DRC5: variants seen among roughly 807,000 people sequenced by gnomAD.
DRC5 encodes the protein dynein regulatory complex subunit 5.
the DRC5 span, among the ~76,000 whole-genome samples, chr6:44,288,984 ACT>A: frequency 1.1e-5 from 1 of 89,082 alleles, no homozygotes; most frequent in Non-Finnish European, 2.0e-5. Flanking sequence ...ATAGAGCAAG[ACT>A]CTGTCTCAAA....
At chr6:44,279,871 A>T in the DRC5 span, 1 of 251,700 alleles carries the variant, frequency 4.0e-6, no homozygotes. Context: ...CAACGGGAGA[A>T]TCTGGCAGGC....
chr6:44,287,318 T>C, the DRC5 span: 1 of 833,480 alleles, frequency 1.2e-6, no homozygotes, highest in South Asian at 5.5e-5. Flanking sequence ...GGCAGAGGCA[T>C]GGAGGGTGCA....
chr6:44,283,167 C>T, the DRC5 span, among the ~76,000 whole-genome samples: 1 of 152,164 alleles, frequency 6.6e-6, no homozygotes, highest in Non-Finnish European at 1.5e-5. Context: ...AAAGTTCTCT[C>T]CATTTTACAG....
chr6:44,290,703 G>T, the DRC5 span, among the ~76,000 whole-genome samples: 4 of 152,204 alleles, frequency 2.6e-5, no homozygotes, highest in Admixed American at 2.0e-4. Context: ...ACACCCATGG[G>T]CCACACCCAG....
the DRC5 span, among the ~76,000 whole-genome samples, chr6:44,286,929 A>G: frequency 1.2e-4 from 18 of 152,252 alleles, no homozygotes; most frequent in South Asian, 4.1e-4. Flanking sequence ...AGGTAGCACT[A>G]TGAGAGACTA....
the DRC5 span, among the ~76,000 whole-genome samples, chr6:44,295,273 A>C: frequency 5.9e-5 from 9 of 152,148 alleles, no homozygotes; most frequent in Non-Finnish European, 1.2e-4. Flanking sequence ...CCATCCAAGG[A>C]TGTGCTGCGC....
At chr6:44,291,643 C>T in the DRC5 span, among the ~76,000 whole-genome samples, 2 of 152,226 alleles carry the variant, frequency 1.3e-5, no homozygotes, top group Non-Finnish European at 2.9e-5. Flanking sequence ...CTCAGAATTC[C>T]GCCATGGTCG....
chr6:44,296,939 C>A, the DRC5 span, among the ~76,000 whole-genome samples: 359 of 14,046 alleles, frequency 0.026, 19 homozygotes, highest in South Asian at 0.084. Context: ...GAGCCTCGGC[C>A]CGTGTGCTTG....
the DRC5 span, among the ~76,000 whole-genome samples, chr6:44,282,951 C>G: frequency 2.0e-3 from 299 of 151,934 alleles, 1 homozygote; most frequent in African/African-American, 6.6e-3. Context: ...TACAAGTGCC[C>G]GCCACCACGC....
the DRC5 span, among the ~76,000 whole-genome samples, chr6:44,288,993 C>CA: frequency 0.019 from 615 of 32,802 alleles, 146 homozygotes; most frequent in East Asian, 0.079. Context: ...GACTCTGTCT[C>CA]AAAAAAAAAA....
At chr6:44,282,282 T>G in the DRC5 span, 1 of 1,614,212 alleles carries the variant, frequency 6.2e-7, no homozygotes, top group Admixed American at 1.7e-5. Flanking sequence ...ACCCTCATCC[T>G]CGATGCAGTT....
At chr6:44,281,928 T>C in the DRC5 span, among the ~76,000 whole-genome samples, 5 of 152,362 alleles carry the variant, frequency 3.3e-5, no homozygotes, top group Non-Finnish European at 7.3e-5. Flanking sequence ...TTAGGGTTAA[T>C]ATACAGTTAC....
the DRC5 span, chr6:44,280,222 A>G: frequency 1.9e-6 from 3 of 1,614,192 alleles, no homozygotes; most frequent in Non-Finnish European, 2.5e-6. Context: ...GTTATGGTTG[A>G]CATGAAGTGG....
the DRC5 span, chr6:44,286,122 G>A: frequency 6.2e-7 from 1 of 1,614,102 alleles, no homozygotes. Context: ...AGATCGCCCA[G>A]TTGGTAGTGG....
At chr6:44,297,017 G>T in the DRC5 span, among the ~76,000 whole-genome samples, 1 of 152,244 alleles carries the variant, frequency 6.6e-6, no homozygotes, top group Non-Finnish European at 1.5e-5. Context: ...CCCAACTCCT[G>T]ACCACTCAGG....
At chr6:44,283,081 C>T in the DRC5 span, among the ~76,000 whole-genome samples, 5 of 152,054 alleles carry the variant, frequency 3.3e-5, no homozygotes, top group African/African-American at 4.8e-5. Flanking sequence ...GGAATACAGG[C>T]GTGAGCCACC....
At chr6:44,280,083 TC>T in the DRC5 span, 1 of 1,127,656 alleles carries the variant, frequency 8.9e-7, no homozygotes, top group Non-Finnish European at 1.3e-6. Flanking sequence ...ACAGTCCCCC[TC>T]CCCGCTCCCT....
chr6:44,287,591 G>T, the DRC5 span: 1 of 1,614,012 alleles, frequency 6.2e-7, no homozygotes. Context: ...AGCTCTGTGA[G>T]GAGGGGCACG....
chr6:44,285,579 T>C, the DRC5 span, among the ~76,000 whole-genome samples: 1 of 152,308 alleles, frequency 6.6e-6, no homozygotes, highest in African/African-American at 2.4e-5. Context: ...TGTCCTGTAT[T>C]TCTATTTGCT....
Sources: gnomAD v4.1 joint callset for allele counts (sites outside exome capture counted in the v4.1 genomes callset) on GRCh38, gnomAD v4.1.1 for gene constraint, MANE v1.5 for transcripts, NCBI Gene and HGNC (gene_info 2026-07-23, HGNC 2026-07-21) for gene names.